The following ANKFN1 variants were observed in gnomAD, a reference collection of about 807,000 sequenced individuals.
The protein encoded by ANKFN1 is ankyrin repeat and fibronectin type III domain containing 1, also known as ankyrin repeat and fibronectin type-III domain-containing protein 1.
A neutral mutation model predicts 108.7 loss-of-function variants in ANKFN1; 74 were observed. That is an observed-to-expected ratio of 0.68 (90% CI 0.56 to 0.83). ANKFN1 has a LOEUF of 0.83. Ranked by LOEUF, ANKFN1 falls within the 40% of genes least tolerant of loss-of-function variation. ANKFN1 has a pLI of 0.00. For synonymous variants in ANKFN1, 547 were observed against 516.2 expected (o/e 1.06, Z -0.81); for missense variants, 1,505 against 1,382.3 (o/e 1.09, Z -1.41).
chr17:56,496,074 A>G (rs2051192589), intron 19 of ANKFN1, among the ~76,000 whole-genome samples: 1 of 152,126 alleles, frequency 6.6e-6, no homozygotes, highest in Non-Finnish European at 1.5e-5. Flanking sequence ...AGTTACTTTT[A>G]GATCAGCAGT....
intron 1 of ANKFN1, among the ~76,000 whole-genome samples, chr17:56,205,462 G>C (rs1914453687): frequency 6.6e-6 from 1 of 152,176 alleles, no homozygotes; most frequent in Non-Finnish European, 1.5e-5. Flanking sequence ...TCTCTGCAAA[G>C]TTACTCATAA....
chr17:56,368,171 A>G, intron 6 of ANKFN1: 2 of 1,364,010 alleles, frequency 1.5e-6, no homozygotes, highest in Non-Finnish European at 9.8e-7. Flanking sequence ...CCAGAGAATG[A>G]ACCTTTTGAT....
chr17:56,311,994 T>G (rs932887315), intron 3 of ANKFN1, among the ~76,000 whole-genome samples: 2 of 152,192 alleles, frequency 1.3e-5, no homozygotes, highest in Non-Finnish European at 2.9e-5. Context: ...GGTCTCCTCT[T>G]CAGGCCTATG....
At chr17:56,269,736 A>ATGT (rs2043743488) in intron 3 of ANKFN1, among the ~76,000 whole-genome samples, 1 of 152,212 alleles carries the variant, frequency 6.6e-6, no homozygotes, top group East Asian at 1.9e-4. Flanking sequence ...CTGCAAGGAA[A>ATGT]ATGCAACAGA....
intron 8 of ANKFN1, among the ~76,000 whole-genome samples, chr17:56,394,137 T>C (rs1288953239): frequency 1.3e-5 from 2 of 152,254 alleles, no homozygotes; most frequent in African/African-American, 2.4e-5. Flanking sequence ...CAAGCCTTTT[T>C]AACTGACTTT....
intron 4 of ANKFN1, among the ~76,000 whole-genome samples, chr17:56,099,782 T>G (rs558532372): frequency 6.6e-6 from 1 of 152,184 alleles, no homozygotes; most frequent in East Asian, 1.9e-4. Flanking sequence ...GGTAGGGTAA[T>G]GATGGAGGTG....
chr17:56,495,313 GTCTCTCTCTCTCTC>G, intron 19 of ANKFN1, among the ~76,000 whole-genome samples: 1 of 147,478 alleles, frequency 6.8e-6, no homozygotes, highest in Middle Eastern at 3.3e-3. Flanking sequence ...TGACTTTGTG[GTCTCTCTCTCTCTC>G]TCTCTCTCTC....
intron 18 of ANKFN1, among the ~76,000 whole-genome samples, chr17:56,490,849 A>G (rs531750605): frequency 1.3e-5 from 2 of 151,746 alleles, no homozygotes; most frequent in East Asian, 3.9e-4. Flanking sequence ...GATCACTCAC[A>G]CTCTCACCCC....
At chr17:56,049,785 C>G in intron 4 of ANKFN1, among the ~76,000 whole-genome samples, 2 of 146,432 alleles carry the variant, frequency 1.4e-5, no homozygotes. Flanking sequence ...TTAATCCAGT[C>G]TATCATTGTT....
intron 4 of ANKFN1, among the ~76,000 whole-genome samples, chr17:56,110,241 C>G (rs1196656662): frequency 2.0e-5 from 3 of 152,156 alleles, no homozygotes; most frequent in Non-Finnish European, 4.4e-5. Flanking sequence ...CCATACATAC[C>G]ATCTTTTCTA....
chr17:56,263,011 C>A (rs1464809533), intron 3 of ANKFN1, among the ~76,000 whole-genome samples: 2 of 152,102 alleles, frequency 1.3e-5, no homozygotes, highest in Non-Finnish European at 2.9e-5. Flanking sequence ...CTCGAATGAC[C>A]AAACGTTAGC....
At chr17:56,124,008 T>C (rs1333598078) in intron 4 of ANKFN1, among the ~76,000 whole-genome samples, 1 of 152,134 alleles carries the variant, frequency 6.6e-6, no homozygotes, top group African/African-American at 2.4e-5. Flanking sequence ...TGCTGACCAG[T>C]AGACGAGGGG....
chr17:56,108,271 T>C (rs570587679), intron 4 of ANKFN1, among the ~76,000 whole-genome samples: 21 of 152,304 alleles, frequency 1.4e-4, no homozygotes, highest in South Asian at 4.1e-4. Flanking sequence ...CTTGACCTCG[T>C]GATCTGCCCA....
chr17:56,334,625 C>T (rs574688869), intron 4 of ANKFN1, among the ~76,000 whole-genome samples: 4 of 152,082 alleles, frequency 2.6e-5, no homozygotes, highest in African/African-American at 9.6e-5. Context: ...TACATGACTA[C>T]TATTAACATG....
chr17:56,358,512 A>G (rs73311761), intron 6 of ANKFN1, among the ~76,000 whole-genome samples: 5,747 of 152,288 alleles, frequency 0.038, 348 homozygotes, highest in African/African-American at 0.13. Flanking sequence ...AGTTAAATAT[A>G]TACAGAACCC....
chr17:56,320,560 A>G (rs914004359), intron 3 of ANKFN1, among the ~76,000 whole-genome samples: 1 of 152,124 alleles, frequency 6.6e-6, no homozygotes, highest in East Asian at 1.9e-4. Flanking sequence ...CTTCCTCGGC[A>G]TGGTGTGGGG....
At chr17:56,392,416 T>A (rs2047467295) in intron 8 of ANKFN1, among the ~76,000 whole-genome samples, 1 of 152,168 alleles carries the variant, frequency 6.6e-6, no homozygotes, top group African/African-American at 2.4e-5. Flanking sequence ...CATCTTCTGC[T>A]CTACCCCCAC....
chr17:56,049,836 A>G (rs1412510163), intron 4 of ANKFN1, among the ~76,000 whole-genome samples: 3 of 149,442 alleles, frequency 2.0e-5, no homozygotes, highest in Non-Finnish European at 4.5e-5. Flanking sequence ...ATTGTGAATA[A>G]TGCCGCAATA....
intron 3 of ANKFN1, among the ~76,000 whole-genome samples, chr17:56,296,278 C>G (rs1318315790): frequency 6.6e-6 from 1 of 152,120 alleles, no homozygotes; most frequent in Non-Finnish European, 1.5e-5. Context: ...TAAGAATCTA[C>G]TCTACCATTT....
Sources: allele counts gnomAD v4.1 joint callset (sites outside exome capture counted in the v4.1 genomes callset), GRCh38; gene constraint gnomAD v4.1.1; transcripts MANE v1.5; gene names NCBI Gene and HGNC (gene_info 2026-07-23, HGNC 2026-07-21).